XKR7: variants seen among roughly 807,000 people sequenced by gnomAD.
XKR7 encodes the protein XK-related protein 7.
Under a neutral mutation model 42.2 loss-of-function variants are expected in XKR7, and 11 were observed. That is an observed-to-expected ratio of 0.26 (90% CI 0.16 to 0.43). The LOEUF is 0.43. XKR7 is among the 20% of genes least tolerant of loss of function. The pLI is 1.00. For synonymous variants in XKR7, 346 were observed against 366.4 expected (o/e 0.94, Z 0.64); for missense variants, 710 against 802.2 (o/e 0.89, Z 1.39).
At chr20:31,984,999 G>A (rs1420542598) in intron 1 of XKR7, among the ~76,000 whole-genome samples, 1 of 152,174 alleles carries the variant, frequency 6.6e-6, no homozygotes, top group Non-Finnish European at 1.5e-5. Flanking sequence ...GGATGGATAC[G>A]TTCATATGTA....
intron 1 of XKR7, among the ~76,000 whole-genome samples, chr20:31,992,377 A>G (rs2064573994): frequency 6.6e-6 from 1 of 152,194 alleles, no homozygotes; most frequent in African/African-American, 2.4e-5. Context: ...ATACAGGGAG[A>G]CAAATTTCTG....
intron 1 of XKR7, among the ~76,000 whole-genome samples, chr20:31,971,345 A>C: frequency 6.6e-6 from 1 of 152,160 alleles, no homozygotes; most frequent in Non-Finnish European, 1.5e-5. Flanking sequence ...AATGAGATTC[A>C]ATGTGATGAC....
rs1568898220 is a variant in XKR7, at chr20:32,002,820, G to GC, written c.*5364dup. 3 of 152,182 alleles carry GC rather than the reference G, an allele frequency of 2.0e-5. No homozygotes were observed. Among genetic ancestry groups the GC allele is most frequent in the Non-Finnish European group, 2.9e-5 (2 of 68,024 alleles). 9.4% of individuals were successfully genotyped at this position (152,182 alleles called of 1,614,324 possible). A position where few individuals can be genotyped will look rare whatever the true frequency, so the allele number is the denominator to read the frequency against. On this transcript the variant is annotated 3_prime_UTR_variant, in exon 3 of 3. Transcript: ENST00000562532. ...ACAAAATTCTCAAAAGCACTTGTGG[G>GC]CACTCATTCCTGCCTTCACAGGCCC...
At chr20:31,988,102 T>C (rs2064551366) in intron 1 of XKR7, among the ~76,000 whole-genome samples, 1 of 152,302 alleles carries the variant, frequency 6.6e-6, no homozygotes, top group South Asian at 2.1e-4. Context: ...GGGCCCAGGT[T>C]TGACTGTCTG....
intron 1 of XKR7, among the ~76,000 whole-genome samples, chr20:31,976,181 T>C (rs762406248): frequency 3.9e-5 from 6 of 152,190 alleles, no homozygotes; most frequent in Non-Finnish European, 8.8e-5. Flanking sequence ...ATTTTACAGA[T>C]GTGGAAATTG....
intron 1 of XKR7, among the ~76,000 whole-genome samples, chr20:31,984,261 C>CA (rs58935647): frequency 0.38 from 54,924 of 146,352 alleles, 11,607 homozygotes; most frequent in African/African-American, 0.58. Context: ...GACTCCATTT[C>CA]AAAAAAAAAA....
chr20:31,990,597 G>A (rs1216092822), intron 1 of XKR7, among the ~76,000 whole-genome samples: 1 of 152,152 alleles, frequency 6.6e-6, no homozygotes, highest in Non-Finnish European at 1.5e-5. Flanking sequence ...GACCTTTGTG[G>A]GCACCACATC....
At position 31,972,523 on chromosome 20, in the gene XKR7, C is replaced by T. The variant is rs140563488; in HGVS notation, c.584+3764C>T. On this transcript the variant is annotated intron_variant, in intron 1 of 2. Transcript: ENST00000562532. ...TAAACTCTCTGAGCTGTTAAACTGCCCAGGGTTCTTAAGCTAATTAAAGTC... is the reference window on the plus strand; with the variant it reads ...TAAACTCTCTGAGCTGTTAAACTGCTCAGGGTTCTTAAGCTAATTAAAGTC... Among the ~76,000 whole-genome samples the T allele has an allele frequency of 5.6e-3, 853 of 152,254 alleles. 4 individuals carry two copies. Among genetic ancestry groups the T allele is most frequent in the African/African-American group, 0.019 (778 of 41,538 alleles).
In XKR7 at chr20:31,999,991, T is replaced by C. The variant is rs2064616472; in HGVS notation, c.*2534T>C. The C allele has an allele frequency of 6.6e-6, 1 of 152,368 alleles. No homozygotes were observed. 9.4% of individuals were successfully genotyped at this position (152,368 alleles called of 1,614,324 possible). A position where few individuals can be genotyped will look rare whatever the true frequency, so the allele number is the denominator to read the frequency against. ...AAGCCATGGCTACATTTTTGGATTT[T>C]ACTCCACCCCCACTCCCCACCTCTT... On this transcript the variant is annotated 3_prime_UTR_variant, in exon 3 of 3. Transcript: ENST00000562532.
Position 31,968,922 on chromosome 20 carries a change from C to T in XKR7, c.584+163C>T, listed in dbSNP as rs1568876053. On this transcript the variant is annotated intron_variant, in intron 1 of 2. Transcript: ENST00000562532. The surrounding 1 kb of genome is among the most constrained non-coding windows in gnomAD (Gnocchi z 4.5). ...TCTAATTTCTTCTCAGTCGGCTTCT[C>T]CCTGACCTCTGCCCCCAAGCCCTGA... is the stretch of plus-strand genomic sequence containing the variant. Among the ~76,000 whole-genome samples, 2 of 150,616 alleles carry T rather than the reference C, an allele frequency of 1.3e-5. No homozygotes were observed. Among genetic ancestry groups the T allele is most frequent in the Non-Finnish European group, 3.0e-5 (2 of 67,596 alleles).
Position 31,984,935 on chromosome 20 carries a change from C to T in XKR7, c.585-10133C>T, listed in dbSNP as rs140430731. Among the ~76,000 whole-genome samples, 1,475 of 152,308 alleles carry T rather than the reference C, an allele frequency of 9.7e-3. 18 individuals carry two copies. Among genetic ancestry groups the T allele is most frequent in the Admixed American group, 0.02 (309 of 15,304 alleles). On this transcript the variant is annotated intron_variant, in intron 1 of 2. Transcript: ENST00000562532. ...TCCTGGTCCCTTTCTAGGTCTGTTT[C>T]TCATCTGTGAAATAAGGATAATGGT...
Position 32,002,283 on chromosome 20 carries a change from TA to T in XKR7, c.*4828del, listed in dbSNP as rs1157679093. 6.6e-6 allele frequency: 1 copy of T among 152,038 alleles called. No homozygotes were observed. The highest frequency in any genetic ancestry group is 1.5e-5 in the Non-Finnish European group (1 of 68,006). The allele number at this position is 152,038 out of a possible 1,614,324, so 9.4% of individuals were successfully genotyped here. On this transcript the variant is annotated 3_prime_UTR_variant, in exon 3 of 3. Transcript: ENST00000562532. ...GCAACCCTGGCCTTTATTCTATGCATAACCACTGCAAGGGCACCCCTGGCCA... is the reference window on the plus strand; with the variant it reads ...GCAACCCTGGCCTTTATTCTATGCATACCACTGCAAGGGCACCCCTGGCCA...
chr20:31,995,316 G>A lies in XKR7; in HGVS notation c.787+46G>A. On this transcript the variant is annotated intron_variant, in intron 2 of 2. Transcript: ENST00000562532. The surrounding 1 kb of genome is among the most constrained non-coding windows in gnomAD (Gnocchi z 4.1). The stretch of plus-strand genomic sequence containing the variant: ...TCTGCGCCTGGGACCACCCCACCGG[G>A]CCTTTCTCCCTGCTTCAGGCTCCCT... 6 of 1,531,224 alleles carry A rather than the reference G, an allele frequency of 3.9e-6. No individual in the cohort carries two copies. Among genetic ancestry groups the A allele is most frequent in the Non-Finnish European group, 5.2e-6 (6 of 1,145,516 alleles). The allele number at this position is 1,531,224 out of a possible 1,614,324, so 94.9% of individuals were successfully genotyped here.
At chr20:31,983,188 T>G (rs1257798631) in intron 1 of XKR7, among the ~76,000 whole-genome samples, 42 of 152,176 alleles carry the variant, frequency 2.8e-4, no homozygotes, top group Non-Finnish European at 5.9e-5. Context: ...GACTGTACAT[T>G]AACGATGTGC....
chr20:31,997,259 C>T lies in XKR7; in HGVS notation c.1542C>T (p.Arg514=). The change falls in exon 3 of 3, where the codon CGC becomes CGT. Residue 514 remains arginine (R), a synonymous_variant. Transcript: ENST00000562532. ...RPGLPPTPVA[R]TLRTEGPVIR... ...GCTTGCCTCCCACACCAGTGGCCCG[C>T]ACCTTGCGGACAGAGGGGCCTGTCA... 6.2e-7 allele frequency: 1 copy of T among 1,612,278 alleles called. No individual in the cohort carries two copies. The highest frequency in any genetic ancestry group is 8.5e-7 in the Non-Finnish European group (1 of 1,179,986).
chr20:31,977,960 G>A (rs755292866), intron 1 of XKR7, among the ~76,000 whole-genome samples: 75 of 152,184 alleles, frequency 4.9e-4, no homozygotes, highest in Admixed American at 2.6e-3. Flanking sequence ...TTCTGTGTCT[G>A]TAGCTCTATC....
chr20:31,981,308 AG>A (rs2064511671), intron 1 of XKR7, among the ~76,000 whole-genome samples: 1 of 152,078 alleles, frequency 6.6e-6, no homozygotes, highest in African/African-American at 2.4e-5. Flanking sequence ...CCCAGAGGGC[AG>A]GGGTTGCGGC....
chr20:31,989,275 A>ACCC (rs375655653), intron 1 of XKR7, among the ~76,000 whole-genome samples: 85 of 111,996 alleles, frequency 7.6e-4, no homozygotes, highest in South Asian at 3.7e-3. Context: ...GTTTTAGGAC[A>ACCC]CCCCCCCCCC....
At position 31,998,570 on chromosome 20, in the gene XKR7, G is replaced by T. The variant is rs1485737141; in HGVS notation, c.*1113G>T. The T allele has an allele frequency of 6.6e-6, 1 of 152,210 alleles. No homozygotes were observed. The highest frequency in any genetic ancestry group is 2.4e-5 in the African/African-American group (1 of 41,414). 9.4% of individuals were successfully genotyped at this position (152,210 alleles called of 1,614,324 possible). ...GGGGGAGAAGAGGTTCTAGAGCCCA[G>T]CGTGAATGGAATTTTCTAGGAATGG... On this transcript the variant is annotated 3_prime_UTR_variant, in exon 3 of 3. Transcript: ENST00000562532.
Sources: gnomAD v4.1 joint callset for allele counts (sites outside exome capture counted in the v4.1 genomes callset) on GRCh38, gnomAD v4.1.1 for gene constraint, Gnocchi (gnomAD v3.1) non-coding constraint, MANE v1.5 for transcripts, NCBI Gene and HGNC (gene_info 2026-07-23, HGNC 2026-07-21) for gene names.